The following CDYL2 variants were observed in gnomAD, a reference collection of about 807,000 sequenced individuals.
The protein encoded by CDYL2 is chromodomain Y-like protein 2.
A neutral mutation model predicts 49.4 loss-of-function variants in CDYL2; 23 were observed. The observed-to-expected ratio is 0.47, with a 90% CI of 0.34 to 0.66. The LOEUF (loss-of-function observed/expected upper bound fraction) is 0.66, where lower values mean the gene tolerates loss of function less well. CDYL2 is among the 30% of genes least tolerant of loss of function. The pLI is 0.01. For synonymous variants in CDYL2, 360 were observed against 268.8 expected (o/e 1.34, Z -3.32); for missense variants, 678 against 656.4 (o/e 1.03, Z -0.36).
chr16:80,753,257 A>G (rs368968693), intron 1 of CDYL2, among the ~76,000 whole-genome samples: 25 of 150,592 alleles, frequency 1.7e-4, no homozygotes, highest in African/African-American at 5.5e-4. Context: ...TAAATTCCCA[A>G]CTTAAAAAAA....
chr16:80,600,641 T>C lies in CDYL2; in HGVS notation c.*3747A>G, dbSNP rs915355094. ...TATACAACAGATATAAGTGTCTGAA[T>C]ACAGAAAAACAGAAGATAAGCAATT... On this transcript the variant is annotated 3_prime_UTR_variant, in exon 7 of 7. Coordinates refer to ENST00000570137, the MANE Select transcript of CDYL2 (RefSeq NM_152342.4). 2.6e-5 allele frequency: 4 copies of C among 152,180 alleles called. No homozygotes were observed. The highest frequency in any genetic ancestry group is 9.6e-5 in the African/African-American group (4 of 41,452). The allele number at this position is 152,180 out of a possible 1,614,324, so 9.4% of individuals were successfully genotyped here. A position where few individuals can be genotyped will look rare whatever the true frequency, so the allele number is the denominator to read the frequency against.
intron 5 of CDYL2, among the ~76,000 whole-genome samples, chr16:80,609,807 AG>A (rs1480134526): frequency 5.9e-5 from 9 of 152,214 alleles, no homozygotes; most frequent in African/African-American, 1.9e-4. Flanking sequence ...TCAGAGAGAA[AG>A]GGGGATTCTT....
chr16:80,763,805 T>A (rs983823788), intron 1 of CDYL2, among the ~76,000 whole-genome samples: 2 of 152,142 alleles, frequency 1.3e-5, no homozygotes, highest in African/African-American at 4.8e-5. Context: ...TACTGCTGTA[T>A]CAAAAAACAC....
At chr16:80,607,890 G>C (rs988787005) in intron 6 of CDYL2, among the ~76,000 whole-genome samples, 1 of 152,210 alleles carries the variant, frequency 6.6e-6, no homozygotes, top group Non-Finnish European at 1.5e-5. Context: ...GGAGATGATG[G>C]ACAATTTGTA....
At chr16:80,734,444 G>T (rs1051920716) in intron 1 of CDYL2, among the ~76,000 whole-genome samples, 11 of 152,166 alleles carry the variant, frequency 7.2e-5, no homozygotes, top group Non-Finnish European at 1.6e-4. Flanking sequence ...CTAATGCATT[G>T]AGGGTGATGG....
intron 1 of CDYL2, among the ~76,000 whole-genome samples, chr16:80,767,786 T>C (rs1906775774): frequency 6.6e-6 from 1 of 152,174 alleles, no homozygotes; most frequent in African/African-American, 2.4e-5. Flanking sequence ...GCCTACTATA[T>C]GCCAGGCACT....
At chr16:80,702,217 C>CACACAA (rs935484814) in intron 1 of CDYL2, among the ~76,000 whole-genome samples, 3 of 150,558 alleles carry the variant, frequency 2.0e-5, no homozygotes, top group African/African-American at 7.3e-5. Flanking sequence ...CACACACACA[C>CACACAA]AAAACTATAA....
chr16:80,641,909 A>T (rs1016013829), intron 2 of CDYL2, among the ~76,000 whole-genome samples: 13 of 134,714 alleles, frequency 9.7e-5, no homozygotes, highest in Admixed American at 2.8e-4. Context: ...ATAAAAAAAT[A>T]AAAAAAAAAA....
At chr16:80,804,983 G>T (rs1192418746), upstream of CDYL2, among the ~76,000 whole-genome samples, 3 of 152,148 alleles carry the variant, frequency 2.0e-5, no homozygotes, top group African/African-American at 4.8e-5. Context: ...TCCAGGCTGG[G>T]TTGTAAGATG....
intron 1 of CDYL2, among the ~76,000 whole-genome samples, chr16:80,780,151 C>A (rs1907216533): frequency 6.6e-6 from 1 of 152,028 alleles, no homozygotes; most frequent in Non-Finnish European, 1.5e-5. Context: ...ATAAGCCTTG[C>A]ATGCAGAACA....
chr16:80,705,049 C>T (rs1904359438), intron 1 of CDYL2, among the ~76,000 whole-genome samples: 1 of 152,182 alleles, frequency 6.6e-6, no homozygotes, highest in East Asian at 1.9e-4. Context: ...TTTGACTCAT[C>T]CCAACAGCTC....
At chr16:80,669,551 A>G (rs1178158818) in intron 2 of CDYL2, among the ~76,000 whole-genome samples, 1 of 152,150 alleles carries the variant, frequency 6.6e-6, no homozygotes, top group Non-Finnish European at 1.5e-5. Context: ...TGGAGCCATG[A>G]AAGCCAATCA....
intron 2 of CDYL2, among the ~76,000 whole-genome samples, chr16:80,643,166 G>T (rs1428159009): frequency 1.3e-5 from 2 of 152,142 alleles, no homozygotes; most frequent in Non-Finnish European, 2.9e-5. Context: ...AAACAAAGGG[G>T]TTACAGGGCC....
intron 1 of CDYL2, among the ~76,000 whole-genome samples, chr16:80,717,939 T>G (rs1270182095): frequency 1.3e-5 from 2 of 152,146 alleles, no homozygotes; most frequent in Non-Finnish European, 2.9e-5. Context: ...TCTAATAAGT[T>G]TCTCCACTTG....
rs369709106 is a variant in CDYL2, at chr16:80,740,984, GTTTAT to G, written c.25-55860_25-55856del. ...CATCTGGATTTTTTAAACTTGACAA[GTTTAT>G]TTTAAGTAAATAACAAACAGGAATA... On this transcript the variant is annotated intron_variant, in intron 1 of 6. Coordinates refer to ENST00000570137, the MANE Select transcript of CDYL2 (RefSeq NM_152342.4). Among the ~76,000 whole-genome samples, 549 of 151,648 alleles carry G rather than the reference GTTTAT, an allele frequency of 3.6e-3. 4 individuals are homozygous for G. Among genetic ancestry groups the G allele is most frequent in the African/African-American group, 0.012 (516 of 41,420 alleles).
At chr16:80,604,596 C>T in intron 6 of CDYL2, 50 bp from the exon 7 acceptor site, 2 of 1,602,774 alleles carry the variant, frequency 1.2e-6, no homozygotes, top group Non-Finnish European at 1.7e-6. Context: ...GGACTCTGCT[C>T]CAGAACTAGG....
In CDYL2 at chr16:80,684,814, C is replaced by T. The variant is rs1910117591; in HGVS notation, c.340G>A (p.Ala114Thr). ...CCTGAATACCCTTTTTTTGGCTTGG[C>T]CAGGGGAGGGTTAATTCGCTTCCGT... is the stretch of plus-strand genomic sequence containing the variant. Reference protein sequence around the residue: ...HKRKRINPPLAKPKKGYSGKP... With the variant: ...HKRKRINPPLTKPKKGYSGKP... The change falls in exon 2 of 7, where the codon GCC (alanine) becomes ACC (threonine). Residue 114 changes from alanine (A) to threonine (T), a missense_variant. Ala to Thr is a moderately conservative substitution (Grantham distance 58, BLOSUM62 0). Transcript: ENST00000570137. 7 of 1,613,956 alleles carry T rather than the reference C, an allele frequency of 4.3e-6. No individual in the cohort carries two copies. The highest frequency in any genetic ancestry group is 5.9e-6 in the Non-Finnish European group (7 of 1,180,008).
rs1342821289 is a variant in CDYL2, at chr16:80,602,481, T to C, written c.*1907A>G. On this transcript the variant is annotated 3_prime_UTR_variant, in exon 7 of 7. Coordinates refer to ENST00000570137, the MANE Select transcript of CDYL2 (RefSeq NM_152342.4). ...GAGGGTCACTGCTTAAAGGACCATG[T>C]CTCTAGATCTGGTGTAGACTATCAA... The C allele has an allele frequency of 6.6e-6, 1 of 152,132 alleles. No individual in the cohort carries two copies. The highest frequency in any genetic ancestry group is 1.5e-5 in the Non-Finnish European group (1 of 68,030). The allele number at this position is 152,132 out of a possible 1,614,324, so 9.4% of individuals were successfully genotyped here. A position where few individuals can be genotyped will look rare whatever the true frequency, so the allele number is the denominator to read the frequency against.
At chr16:80,664,627 A>T (rs1486103666) in intron 2 of CDYL2, among the ~76,000 whole-genome samples, 2 of 152,146 alleles carry the variant, frequency 1.3e-5, no homozygotes, top group Non-Finnish European at 2.9e-5. Flanking sequence ...AACGCTAAAA[A>T]TTTTTTAAAG....
Sources: gnomAD v4.1 joint callset for allele counts (sites outside exome capture counted in the v4.1 genomes callset) on GRCh38, gnomAD v4.1.1 for gene constraint, MANE v1.5 for transcripts, NCBI Gene and HGNC (gene_info 2026-07-23, HGNC 2026-07-21) for gene names.